USO1: variants seen among roughly 807,000 people sequenced by gnomAD.
USO1 encodes general vesicular transport factor p115.
In USO1, 57 loss-of-function variants were observed where a neutral mutation model predicts 124.5. The observed-to-expected ratio is 0.46, with a 90% CI of 0.37 to 0.57. The LOEUF (loss-of-function observed/expected upper bound fraction) is 0.57. Ranked by LOEUF, USO1 falls within the 20% of genes least tolerant of loss-of-function variation. The pLI, the probability that USO1 is intolerant of heterozygous loss-of-function variation, is 0.00. For synonymous variants in USO1, 369 were observed against 362.8 expected (o/e 1.02, Z -0.19); for missense variants, 900 against 1,040.6 (o/e 0.86, Z 1.86).
intron 4 of USO1, chr4:75,770,205 C>A: frequency 7.2e-6 from 2 of 276,858 alleles, no homozygotes; most frequent in Admixed American, 5.0e-5. Flanking sequence ...TTTAAGTATC[C>A]TTTTTTTAGA....
intron 13 of USO1, among the ~76,000 whole-genome samples, chr4:75,797,177 C>G (rs114400401): frequency 7.9e-5 from 12 of 151,750 alleles, no homozygotes; most frequent in Non-Finnish European, 1.6e-4. Context: ...TCCAATCCCC[C>G]CAAAAAAGAC....
intron 1 of USO1, among the ~76,000 whole-genome samples, chr4:75,728,578 G>T (rs920215924): frequency 2.0e-5 from 3 of 152,112 alleles, no homozygotes; most frequent in African/African-American, 7.2e-5. Flanking sequence ...GCGGTGGTTG[G>T]CAGTGAGCAA....
intron 8 of USO1, among the ~76,000 whole-genome samples, chr4:75,775,483 G>A (rs1269818569): frequency 1.3e-5 from 2 of 152,146 alleles, no homozygotes; most frequent in African/African-American, 2.4e-5. Flanking sequence ...AGATTGCAAT[G>A]AGCTGAGATC....
chr4:75,761,196 C>G (rs1721595661), intron 4 of USO1, among the ~76,000 whole-genome samples: 1 of 152,080 alleles, frequency 6.6e-6, no homozygotes, highest in Non-Finnish European at 1.5e-5. Context: ...TCTGGTAGGA[C>G]AATTTATTCA....
chr4:75,809,378 A>C (rs1289350336), intron 21 of USO1, among the ~76,000 whole-genome samples: 4 of 152,182 alleles, frequency 2.6e-5, no homozygotes, highest in Non-Finnish European at 5.9e-5. Flanking sequence ...ATTCCTTCTC[A>C]TACTTTTGCA....
intron 1 of USO1, chr4:75,745,372 T>C (rs1161142094): frequency 1.9e-6 from 1 of 519,312 alleles, no homozygotes; most frequent in Non-Finnish European, 3.9e-6. Flanking sequence ...CAAGTGGAGC[T>C]ATTCACAGGG....
intron 13 of USO1, 103 bp downstream of exon 13, chr4:75,794,004 CTTA>C: frequency 6.8e-7 from 1 of 1,478,318 alleles, no homozygotes; most frequent in Non-Finnish European, 9.0e-7. Flanking sequence ...ACAGAGAAGA[CTTA>C]TTCTGTTTAT....
chr4:75,782,177 AT>A (rs1722238913), intron 8 of USO1, among the ~76,000 whole-genome samples: 3 of 152,198 alleles, frequency 2.0e-5, no homozygotes, highest in Non-Finnish European at 2.9e-5. Flanking sequence ...ATCAAATAAG[AT>A]ATGGTTGATT....
chr4:75,747,533 C>G (rs964003979), intron 1 of USO1, among the ~76,000 whole-genome samples: 1 of 151,914 alleles, frequency 6.6e-6, no homozygotes, highest in African/African-American at 2.4e-5. Flanking sequence ...CTTCAGTATC[C>G]CAAAGTGTTA....
intron 1 of USO1, among the ~76,000 whole-genome samples, chr4:75,734,717 G>GTTTTTT (rs1560433530): frequency 4.4e-5 from 1 of 22,846 alleles, no homozygotes; most frequent in Non-Finnish European, 9.0e-5. Context: ...GGGCAGTATG[G>GTTTTTT]CTTTTTTTTT....
rs562501593 is a variant in USO1 at position 75,754,986 on chromosome 4, A to T, written c.218+2382A>T. On this transcript the variant is annotated intron_variant, in intron 3 of 23. Transcript: ENST00000514213. The stretch of plus-strand genomic sequence containing the variant: ...GAAGCCATCAGCCAGGTCTGCAGTC[A>T]TCTGAAGGCTTGACTGGGGCTGGAG... Among the ~76,000 whole-genome samples, 106 of 152,334 alleles carry T rather than the reference A, an allele frequency of 7.0e-4. 1 individual carries two copies. The highest frequency in any genetic ancestry group is 1.0e-3 in the Non-Finnish European group (71 of 68,026).
intron 1 of USO1, among the ~76,000 whole-genome samples, chr4:75,733,655 A>AT (rs1158406334): frequency 6.6e-6 from 1 of 152,036 alleles, no homozygotes; most frequent in Non-Finnish European, 1.5e-5. Context: ...TCCTTTGCCC[A>AT]TTTTTTAAGA....
At chr4:75,765,287 CT>C (rs779590019) in intron 4 of USO1, among the ~76,000 whole-genome samples, 27 of 152,006 alleles carry the variant, frequency 1.8e-4, no homozygotes, top group Non-Finnish European at 2.9e-4. Context: ...CCAATGGGCC[CT>C]TTTTGTATAA....
chr4:75,801,046 T>G, intron 16 of USO1, 33 bp from the exon 17 acceptor site: 1 of 1,489,020 alleles, frequency 6.7e-7, no homozygotes, highest in Non-Finnish European at 8.9e-7. Context: ...TTAAAACATT[T>G]AAAACAAATT....
chr4:75,789,231 G>A (rs748225460), intron 10 of USO1, among the ~76,000 whole-genome samples: 1 of 152,066 alleles, frequency 6.6e-6, no homozygotes, highest in East Asian at 1.9e-4. Flanking sequence ...CTTCAGTTCT[G>A]AGGATGTTTT....
chr4:75,742,214 T>G (rs1720983263), intron 1 of USO1, among the ~76,000 whole-genome samples: 1 of 151,862 alleles, frequency 6.6e-6, no homozygotes, highest in Non-Finnish European at 1.5e-5. Context: ...TCAAGTATTA[T>G]GTACTGTACA....
At chr4:75,744,186 G>A (rs943507158) in intron 1 of USO1, among the ~76,000 whole-genome samples, 9 of 152,132 alleles carry the variant, frequency 5.9e-5, no homozygotes, top group African/African-American at 1.9e-4. Flanking sequence ...ATAAACCACT[G>A]CTTCAGGTTG....
At chr4:75,801,964 C>T (rs971208985) in intron 17 of USO1, among the ~76,000 whole-genome samples, 1 of 152,154 alleles carries the variant, frequency 6.6e-6, no homozygotes, top group African/African-American at 2.4e-5. Flanking sequence ...GGATTATAGG[C>T]GTGTGCCACC....
At chr4:75,751,984 T>C (rs1198453489) in intron 1 of USO1, among the ~76,000 whole-genome samples, 1 of 152,212 alleles carries the variant, frequency 6.6e-6, no homozygotes, top group African/African-American at 2.4e-5. Flanking sequence ...AAAAAGATGA[T>C]GTAAACAATT....
Sources: allele counts gnomAD v4.1 joint callset (sites outside exome capture counted in the v4.1 genomes callset), GRCh38; gene constraint gnomAD v4.1.1; transcripts MANE v1.5; gene names NCBI Gene and HGNC (gene_info 2026-07-23, HGNC 2026-07-21).